Variants in EHBP1 observed in about 807,000 individuals in gnomAD.
The protein encoded by EHBP1 is EH domain binding protein 1, also known as EH domain-binding protein 1.
Under a neutral mutation model 144.0 loss-of-function variants are expected in EHBP1, and 55 were observed. The observed-to-expected ratio is 0.38, with a 90% CI of 0.31 to 0.48. The LOEUF is 0.48. Ranked by LOEUF, EHBP1 falls within the 20% of genes least tolerant of loss-of-function variation. EHBP1 has a pLI of 0.98. For missense variants in EHBP1, 1,200 were observed against 1,364.2 expected (o/e 0.88, Z 1.90); for synonymous variants, 469 against 472.7 (o/e 0.99, Z 0.10).
intron 19 of EHBP1, among the ~76,000 whole-genome samples, chr2:63,014,629 C>A (rs557002722): frequency 2.6e-5 from 4 of 152,298 alleles, no homozygotes; most frequent in African/African-American, 9.6e-5. Context: ...CTTACCATAT[C>A]CATCCATACC....
chr2:62,722,951 G>T (rs1277661295), intron 2 of EHBP1, among the ~76,000 whole-genome samples: 1 of 152,196 alleles, frequency 6.6e-6, no homozygotes, highest in East Asian at 1.9e-4. Context: ...TAGAGTATGT[G>T]CCAAGTGGAG....
At chr2:62,705,275 T>C (rs1418994071), upstream of EHBP1, among the ~76,000 whole-genome samples, 1 of 152,052 alleles carries the variant, frequency 6.6e-6, no homozygotes, top group Non-Finnish European at 1.5e-5. Flanking sequence ...CACAGGCAGC[T>C]GCACTGCCCA....
In EHBP1 at chr2:63,043,682, AG is replaced by A. The variant is rs1463917230; in HGVS notation, c.3278-1379del. On this transcript the variant is annotated intron_variant, in intron 21 of 22. Transcript: ENST00000431489. ...CTGTCTTGAATAAATTTTGCTTTGG[AG>A]GGGGTCGGGGGGGATTTGAACCAGC... 8.6e-5 allele frequency among the ~76,000 whole-genome samples: 13 copies of A among 151,240 alleles called. No individual in the cohort carries two copies. The South Asian group carries it at 2.7e-3, about 32-fold the overall frequency.
rs1248206693 is a variant in EHBP1 at position 62,890,562 on chromosome 2, T to G, written c.1185+16030T>G. ...CTCGACTGTTTTTGGTGTGTAGGAA[T>G]GCTAGTGATTTTTGCACATTGATTT... On this transcript the variant is annotated intron_variant, in intron 10 of 22. Coordinates refer to ENST00000431489, the MANE Select transcript of EHBP1 (RefSeq NM_001142616.3). Among the ~76,000 whole-genome samples, 3 of 152,316 alleles carry G rather than the reference T, an allele frequency of 2.0e-5. No homozygotes were observed. The East Asian group carries it at 5.8e-4, about 29-fold the overall frequency.
At chr2:62,840,540 G>T (rs1220208295) in intron 7 of EHBP1, among the ~76,000 whole-genome samples, 4 of 150,996 alleles carry the variant, frequency 2.6e-5, no homozygotes, top group African/African-American at 7.3e-5. Flanking sequence ...ACTACCATCA[G>T]AGTGAACAGG....
At chr2:62,844,135 G>A (rs1245721126) in intron 7 of EHBP1, among the ~76,000 whole-genome samples, 1 of 152,130 alleles carries the variant, frequency 6.6e-6, no homozygotes, top group African/African-American at 2.4e-5. Flanking sequence ...ACATCTCACG[G>A]TTATTCATGT....
At chr2:62,992,605 T>A (rs1327479211) in intron 16 of EHBP1, among the ~76,000 whole-genome samples, 1 of 152,186 alleles carries the variant, frequency 6.6e-6, no homozygotes, top group African/African-American at 2.4e-5. Context: ...TAATTTTTTT[T>A]AATAAAATGC....
At chr2:63,025,727 A>G (rs2060946449) in intron 19 of EHBP1, among the ~76,000 whole-genome samples, 1 of 152,204 alleles carries the variant, frequency 6.6e-6, no homozygotes, top group Non-Finnish European at 1.5e-5. Flanking sequence ...TTATATCATG[A>G]TAAAAGGGGC....
chr2:62,782,895 A>T (rs1370852921), intron 5 of EHBP1, among the ~76,000 whole-genome samples: 1 of 151,072 alleles, frequency 6.6e-6, no homozygotes, highest in Admixed American at 6.7e-5. Flanking sequence ...TCATTCCAGC[A>T]TTAACCAAAA....
At chr2:63,021,957 G>A (rs1054478377) in intron 19 of EHBP1, among the ~76,000 whole-genome samples, 30 of 151,918 alleles carry the variant, frequency 2.0e-4, no homozygotes, top group Admixed American at 5.2e-4. Flanking sequence ...TAGTAGAGAC[G>A]GGGTTTCACT....
intron 21 of EHBP1, among the ~76,000 whole-genome samples, chr2:63,043,135 A>G (rs1036060664): frequency 6.6e-6 from 1 of 152,132 alleles, no homozygotes; most frequent in African/African-American, 2.4e-5. Flanking sequence ...ATGACCTTTA[A>G]GATCTTTCCA....
intron 3 of EHBP1, among the ~76,000 whole-genome samples, chr2:62,750,407 T>C (rs921667202): frequency 5.3e-5 from 8 of 152,212 alleles, no homozygotes; most frequent in Non-Finnish European, 8.8e-5. Context: ...TAGTTTGAAG[T>C]CAGGTAGCAT....
rs145720615 is a variant in EHBP1, at chr2:62,859,231, A to G, written c.697A>G (p.Asn233Asp). 254 of 1,612,352 alleles carry G rather than the reference A, an allele frequency of 1.6e-4. 4 individuals carry two copies. The South Asian group carries it at 2.5e-3, about 16-fold the overall frequency. The change falls in exon 8 of 23, where the codon AAT becomes GAT. Residue 233 changes from asparagine to aspartate, a missense_variant. By Grantham distance (23) the Asn-to-Asp change is conservative. Around this residue, in one of 6 missense-constraint regions of EHBP1, gnomAD observed 266 missense variants for 262.4 expected, o/e 1.01. Transcript: ENST00000431489. Reference protein sequence around the residue: ...AEKDLATVNSNPFDDPDAAEL... With the variant: ...AEKDLATVNSDPFDDPDAAEL... ...AAAGGACTTGGCCACCGTGAATTCA[A>G]ATCCATTTGATGATCCTGATGCTGC...
chr2:62,737,398 G>A (rs2038246684), intron 2 of EHBP1, among the ~76,000 whole-genome samples: 1 of 151,884 alleles, frequency 6.6e-6, no homozygotes, highest in African/African-American at 2.4e-5. Context: ...TTATCTCTCA[G>A]ACTTGTCCAT....
intron 8 of EHBP1, 127 bp downstream of exon 8, chr2:62,859,418 G>A (rs765357288): frequency 4.6e-5 from 41 of 897,636 alleles, no homozygotes; most frequent in Non-Finnish European, 6.0e-5. Context: ...TATTATTATT[G>A]TGTTCAATAC....
At chr2:62,922,943 C>T (rs759762862) in intron 10 of EHBP1, among the ~76,000 whole-genome samples, 2 of 152,336 alleles carry the variant, frequency 1.3e-5, no homozygotes, top group Middle Eastern at 3.4e-3. Context: ...GAGAATCCCA[C>T]AGTCTCCATT....
chr2:62,706,420 C>A (rs1250621041), intron 1 of EHBP1: 2 of 152,338 alleles, frequency 1.3e-5, no homozygotes, highest in Admixed American at 1.3e-4. Context: ...TCCATTTCCT[C>A]CCTCCGACTG....
chr2:62,837,422 C>G, intron 7 of EHBP1, among the ~76,000 whole-genome samples: 1 of 150,858 alleles, frequency 6.6e-6, no homozygotes, highest in East Asian at 1.9e-4. Context: ...TAGGAAGAAA[C>G]TGCATCAACT....
At chr2:62,831,836 C>T (rs2046841644) in intron 7 of EHBP1, among the ~76,000 whole-genome samples, 2 of 152,198 alleles carry the variant, frequency 1.3e-5, no homozygotes, top group South Asian at 4.1e-4. Context: ...CCCTTCACTT[C>T]TATCATCTGT....
Sources: gnomAD v4.1 joint callset for allele counts (sites outside exome capture counted in the v4.1 genomes callset) on GRCh38, gnomAD v4.1.1 for gene constraint, gnomAD v4.1.1 regional missense constraint, MANE v1.5 for transcripts, NCBI Gene and HGNC (gene_info 2026-07-23, HGNC 2026-07-21) for gene names.